Variants in STX2 observed in about 807,000 individuals in gnomAD.
The protein encoded by STX2 is syntaxin 2.
STX2 carries 27 observed loss-of-function variants against 40.6 expected under a neutral mutation model. That is an observed-to-expected ratio of 0.66 (90% CI 0.49 to 0.92). STX2 has a LOEUF of 0.92. STX2 is among the 40% of genes least tolerant of loss of function. STX2 has a pLI of 0.00. For missense variants in STX2, 328 were observed against 366.1 expected, an observed-to-expected ratio of 0.90 and a Z score of 0.85; for synonymous variants, 123 against 119.1, an observed-to-expected ratio of 1.03 and a Z score of -0.22.
chr12:130,822,715 G>C (rs1469709805), intron 2 of STX2, among the ~76,000 whole-genome samples: 3 of 152,144 alleles, frequency 2.0e-5, no homozygotes, highest in Non-Finnish European at 4.4e-5. Flanking sequence ...CTAAGGATCT[G>C]GAGACGGGAA....
intron 5 of STX2, among the ~76,000 whole-genome samples, chr12:130,807,546 G>A (rs549647318): frequency 6.6e-6 from 1 of 151,968 alleles, no homozygotes; most frequent in South Asian, 2.1e-4. Flanking sequence ...TCATCGCCTT[G>A]TGCCCATGAG....
chr12:130,809,918 G>A (rs553591925), intron 4 of STX2, among the ~76,000 whole-genome samples: 24 of 152,208 alleles, frequency 1.6e-4, no homozygotes, highest in Middle Eastern at 3.4e-3. Flanking sequence ...ACAAGTGCTC[G>A]GGGGATCACT....
At chr12:130,825,817 G>C (rs963323705) in intron 2 of STX2, among the ~76,000 whole-genome samples, 1 of 152,180 alleles carries the variant, frequency 6.6e-6, no homozygotes, top group African/African-American at 2.4e-5. Flanking sequence ...GCATAATCAA[G>C]ACGAGTCCTG....
Position 130,806,967 on chromosome 12 carries a change from G to A in STX2, c.463+15C>T, listed in dbSNP as rs1458091713. 4 of 1,606,494 alleles carry A rather than the reference G, an allele frequency of 2.5e-6. No individual in the cohort carries two copies. Among genetic ancestry groups the A allele is most frequent in the African/African-American group, 1.3e-5 (1 of 74,842 alleles). ...AAAACATGATTTTAACAAAGACGGAGTCTCCATTACTCACTTATCTCCAGC... is the reference window on the plus strand; with the variant it reads ...AAAACATGATTTTAACAAAGACGGAATCTCCATTACTCACTTATCTCCAGC... On this transcript the variant is annotated intron_variant, in intron 6 of 10. Transcript: ENST00000392373.
chr12:130,798,049 A>C (rs930012999), intron 9 of STX2, among the ~76,000 whole-genome samples: 4 of 152,216 alleles, frequency 2.6e-5, no homozygotes, highest in Admixed American at 2.6e-4. Flanking sequence ...CGAGTTCAAG[A>C]CCAGCCTGGC....
chr12:130,810,659 C>G (rs1951614344), intron 4 of STX2: 1 of 152,208 alleles, frequency 6.6e-6, no homozygotes. Context: ...ACCATCTGAG[C>G]ATTAAGGATA....
At chr12:130,839,001 C>G (rs985009804) in intron 1 of STX2, 69 bp downstream of exon 1, 1 of 1,264,302 alleles carries the variant, frequency 7.9e-7, no homozygotes, top group South Asian at 2.2e-5. Context: ...CAAGACGCCC[C>G]GAGCCCCCGC....
rs1277477285 is a variant in STX2 at position 130,825,041 on chromosome 12, C to CTT, written c.105+2150_105+2151dup. Among the ~76,000 whole-genome samples, 111 of 132,392 alleles carry CTT rather than the reference C, an allele frequency of 8.4e-4. 1 individual carries two copies. The highest frequency in any genetic ancestry group is 2.8e-3 in the African/African-American group (99 of 35,684). 86.9% of individuals were successfully genotyped at this position (132,392 alleles called of 152,430 possible). On this transcript the variant is annotated intron_variant, in intron 2 of 10. Transcript: ENST00000392373. ...AATTGCACAATGTAACTTTTCTGTT[C>CTT]TTTTTTTTTTTTTTTTTTGTCGCCC...
chr12:130,835,171 C>T (rs1318775778), intron 1 of STX2, among the ~76,000 whole-genome samples: 1 of 152,216 alleles, frequency 6.6e-6, no homozygotes, highest in Non-Finnish European at 1.5e-5. Flanking sequence ...CGCCTGTGGT[C>T]CTAGCTACTC....
chr12:130,805,524 C>T (rs1951398619), intron 6 of STX2, among the ~76,000 whole-genome samples: 1 of 152,172 alleles, frequency 6.6e-6, no homozygotes, highest in Admixed American at 6.5e-5. Context: ...GCTGCACAGA[C>T]CCCGCATGCT....
chr12:130,838,757 G>A (rs749928755), intron 1 of STX2, among the ~76,000 whole-genome samples: 4 of 152,108 alleles, frequency 2.6e-5, no homozygotes, highest in Non-Finnish European at 4.4e-5. Flanking sequence ...CGCTCGAAGA[G>A]GGGGTCGAGG....
chr12:130,834,242 G>A (rs1952679002), intron 1 of STX2, among the ~76,000 whole-genome samples: 1 of 151,868 alleles, frequency 6.6e-6, no homozygotes, highest in African/African-American at 2.4e-5. Context: ...AAATCAGCTG[G>A]GTGTCATGGG....
intron 1 of STX2, among the ~76,000 whole-genome samples, chr12:130,837,836 C>G (rs1952797686): frequency 6.6e-6 from 1 of 152,186 alleles, no homozygotes; most frequent in Non-Finnish European, 1.5e-5. Context: ...CTGCGGAACA[C>G]AGGGAATATT....
chr12:130,818,382 G>T (rs371282135), intron 3 of STX2, among the ~76,000 whole-genome samples: 1 of 148,840 alleles, frequency 6.7e-6, no homozygotes, highest in Non-Finnish European at 1.5e-5. Flanking sequence ...TCTGGAGGGT[G>T]GGGGGGAGAG....
chr12:130,798,318 A>C, intron 9 of STX2: 1 of 403,972 alleles, frequency 2.5e-6, no homozygotes, highest in Non-Finnish European at 4.3e-6. Context: ...GGTTTCAATT[A>C]CTTAGAACAC....
intron 4 of STX2, among the ~76,000 whole-genome samples, chr12:130,809,579 G>A (rs553056880): frequency 6.6e-6 from 1 of 152,322 alleles, no homozygotes; most frequent in East Asian, 1.9e-4. Context: ...CACTTTGGGA[G>A]GCTAAGGCAG....
At position 130,839,067 on chromosome 12, in the gene STX2, C is replaced by A; in HGVS notation, c.30+3G>T. 7.4e-7 allele frequency: 1 copy of A among 1,342,754 alleles called. No homozygotes were observed. Among genetic ancestry groups the A allele is most frequent in the South Asian group, 1.8e-5 (1 of 54,084 alleles). The allele number at this position is 1,342,754 out of a possible 1,614,324, so 83.2% of individuals were successfully genotyped here. A position where few individuals can be genotyped will look rare whatever the true frequency, so the allele number is the denominator to read the frequency against. On this transcript the variant is annotated splice_donor_region_variant and intron_variant, in intron 1 of 10. Coordinates refer to ENST00000392373, the MANE Select transcript of STX2 (RefSeq NM_194356.4). ...TGAACCGCTACCCGCGGCTGCCGCT[C>A]ACCGCCGTCAGGTCTGGCAGCCGGT...
In STX2 at chr12:130,789,609, T is replaced by C. The variant is rs1301158282; in HGVS notation, c.*2414A>G. ...ACAGCCACAAGAGCAATTTTCCTAGTAGAACAATTTATTAATTAATATGCA... is the reference window on the plus strand; with the variant it reads ...ACAGCCACAAGAGCAATTTTCCTAGCAGAACAATTTATTAATTAATATGCA... On this transcript the variant is annotated 3_prime_UTR_variant, in exon 11 of 11. Transcript: ENST00000392373. 1 of 152,632 alleles carries C rather than the reference T, an allele frequency of 6.6e-6. No homozygotes were observed. The highest frequency in any genetic ancestry group is 6.5e-5 in the Admixed American group (1 of 15,282). The allele number at this position is 152,632 out of a possible 1,614,324, so 9.5% of individuals were successfully genotyped here.
intron 3 of STX2, among the ~76,000 whole-genome samples, chr12:130,820,101 CA>C (rs1952054419): frequency 6.6e-6 from 1 of 152,142 alleles, no homozygotes; most frequent in Non-Finnish European, 1.5e-5. Context: ...AACTTTCCTC[CA>C]AGACCAAGAA....
Sources: gnomAD v4.1 joint callset for allele counts (sites outside exome capture counted in the v4.1 genomes callset) on GRCh38, gnomAD v4.1.1 for gene constraint, MANE v1.5 for transcripts, NCBI Gene and HGNC (gene_info 2026-07-23, HGNC 2026-07-21) for gene names.